TTLL5: variants seen among roughly 807,000 people sequenced by gnomAD.
The protein encoded by TTLL5 is tubulin polyglutamylase TTLL5.
In TTLL5, 132 loss-of-function variants were observed where a neutral mutation model predicts 168.4. The ratio of observed to expected loss-of-function variants is 0.78; its 90% CI spans 0.68 to 0.91. The LOEUF (loss-of-function observed/expected upper bound fraction) is 0.91. Ranked by LOEUF, TTLL5 falls within the 40% of genes least tolerant of loss-of-function variation. TTLL5 has a pLI of 0.00. For synonymous variants in TTLL5, 546 were observed against 558.6 expected (o/e 0.98, Z 0.32); for missense variants, 1,545 against 1,581.5 (o/e 0.98, Z 0.39).
intron 7 of TTLL5, among the ~76,000 whole-genome samples, chr14:75,703,932 A>G (rs2140165073): frequency 1.3e-5 from 2 of 152,342 alleles, no homozygotes; most frequent in South Asian, 2.1e-4. Context: ...TCTGAGTAGA[A>G]TGGCATGCAG....
At position 75,663,079 on chromosome 14, in the gene TTLL5, G is replaced by A. The variant is rs2140074301; in HGVS notation, c.-71G>A. On this transcript the variant is annotated 5_prime_UTR_variant, in exon 2 of 32. Coordinates refer to ENST00000298832, the MANE Select transcript of TTLL5 (RefSeq NM_015072.5). Reference sequence around the variant, plus strand: ...GGAATCTGTGCCATCCAAATTGCTTGATCCAGTGAATCTGCTAGGAAAGGT... The same window carrying A: ...GGAATCTGTGCCATCCAAATTGCTTAATCCAGTGAATCTGCTAGGAAAGGT... The A allele has an allele frequency of 2.2e-6, 3 of 1,388,190 alleles. No individual in the cohort carries two copies. In the East Asian group the frequency reaches 7.0e-5, roughly 32 times the overall value. The allele number at this position is 1,388,190 out of a possible 1,614,324, so 86.0% of individuals were successfully genotyped here.
chr14:75,805,285 G>T (rs1893583789), intron 27 of TTLL5, among the ~76,000 whole-genome samples: 1 of 152,042 alleles, frequency 6.6e-6, no homozygotes, highest in South Asian at 2.1e-4. Context: ...GCTTCCTCCT[G>T]CTCTCCCTGA....
chr14:75,769,425 T>C (rs1320056298), intron 20 of TTLL5, among the ~76,000 whole-genome samples: 4 of 152,348 alleles, frequency 2.6e-5, no homozygotes, highest in African/African-American at 9.6e-5. Context: ...TGGTTTTTAT[T>C]CTTTCATCTT....
At chr14:75,939,169 A>G (rs1386261206) in intron 31 of TTLL5, among the ~76,000 whole-genome samples, 1 of 152,208 alleles carries the variant, frequency 6.6e-6, no homozygotes. Flanking sequence ...CACAATCATC[A>G]TTCCCCTGCC....
intron 7 of TTLL5, among the ~76,000 whole-genome samples, chr14:75,705,000 C>T (rs1886552307): frequency 6.6e-6 from 1 of 152,176 alleles, no homozygotes; most frequent in African/African-American, 2.4e-5. Context: ...TTTATTGTAG[C>T]CTATAGGTTC....
At position 75,745,564 on chromosome 14, in the gene TTLL5, G is replaced by A. The variant is rs984010328; in HGVS notation, c.1470G>A (p.Glu490=). Residue 490 remains glutamate (E), a synonymous_variant, in exon 17 of 32, where the codon GAG becomes GAA. Coordinates refer to ENST00000298832, the MANE Select transcript of TTLL5 (RefSeq NM_015072.5). ...TTATTCGCATATTTCCTACATCTGAGACATGGGAAATATATGGGTGAGGTG... is the reference window on the plus strand; with the variant it reads ...TTATTCGCATATTTCCTACATCTGAAACATGGGAAATATATGGGTGAGGTG... ...GGFIRIFPTS[E]TWEIYGSYLE... 3.7e-6 allele frequency: 6 copies of A among 1,613,704 alleles called. No homozygotes were observed. Among genetic ancestry groups the A allele is most frequent in the African/African-American group, 1.3e-5 (1 of 74,828 alleles).
At chr14:75,909,692 A>G (rs147277122) in intron 31 of TTLL5, among the ~76,000 whole-genome samples, 66 of 152,356 alleles carry the variant, frequency 4.3e-4, no homozygotes, top group African/African-American at 1.5e-3. Flanking sequence ...AGGAAGAACC[A>G]TGAATTAGGT....
intron 27 of TTLL5, among the ~76,000 whole-genome samples, chr14:75,799,740 G>C (rs971307474): frequency 6.6e-6 from 1 of 152,152 alleles, no homozygotes; most frequent in African/African-American, 2.4e-5. Flanking sequence ...CGTTTCACTG[G>C]ATACAAGATT....
At chr14:75,748,033 C>G (rs1889717687) in intron 17 of TTLL5, among the ~76,000 whole-genome samples, 1 of 152,192 alleles carries the variant, frequency 6.6e-6, no homozygotes, top group Non-Finnish European at 1.5e-5. Flanking sequence ...TGCATTTCCT[C>G]TCTGTCTGTG....
chr14:75,752,301 G>A (rs934710452), intron 17 of TTLL5, among the ~76,000 whole-genome samples: 2 of 152,208 alleles, frequency 1.3e-5, no homozygotes, highest in Admixed American at 1.3e-4. Flanking sequence ...CCTCTGACAA[G>A]AGGATTCTAA....
chr14:75,830,764 G>A (rs1269656392), intron 28 of TTLL5, among the ~76,000 whole-genome samples: 1 of 152,132 alleles, frequency 6.6e-6, no homozygotes, highest in Non-Finnish European at 1.5e-5. Flanking sequence ...CAGTGCCTTG[G>A]TAAGCAGTAG....
chr14:75,671,082 G>C (rs747721991), intron 3 of TTLL5, among the ~76,000 whole-genome samples: 1 of 152,128 alleles, frequency 6.6e-6, no homozygotes, highest in East Asian at 1.9e-4. Flanking sequence ...AATTTTTCAT[G>C]TAGGGTTATG....
chr14:75,702,743 C>A (rs1886367642), intron 7 of TTLL5, among the ~76,000 whole-genome samples: 1 of 152,082 alleles, frequency 6.6e-6, no homozygotes, highest in African/African-American at 2.4e-5. Flanking sequence ...TCCTTTGAGA[C>A]CCCCTGCATA....
rs184709434 is a variant in TTLL5, at chr14:75,762,171, G to A, written c.1551-2444G>A. ...AGCACTTTGGGAGGCCGAGGCGGGTGGATCACGAGGTCAGGAGATTGAGAC... is the reference window on the plus strand; with the variant it reads ...AGCACTTTGGGAGGCCGAGGCGGGTAGATCACGAGGTCAGGAGATTGAGAC... On this transcript the variant is annotated intron_variant, in intron 18 of 31. Transcript: ENST00000298832. Among the ~76,000 whole-genome samples the A allele has an allele frequency of 3.3e-3, 501 of 152,192 alleles. 3 individuals are homozygous for A. Among genetic ancestry groups the A allele is most frequent in the African/African-American group, 0.011 (465 of 41,518 alleles).
At chr14:75,689,262 A>G (rs1170165105) in intron 5 of TTLL5, among the ~76,000 whole-genome samples, 1 of 152,172 alleles carries the variant, frequency 6.6e-6, no homozygotes, top group Non-Finnish European at 1.5e-5. Context: ...GAGCCTGATG[A>G]CTGCAGTGCT....
intron 28 of TTLL5, among the ~76,000 whole-genome samples, chr14:75,853,303 C>T (rs1896970008): frequency 6.6e-6 from 1 of 152,176 alleles, no homozygotes; most frequent in Admixed American, 6.5e-5. Context: ...TAAGCTAGCT[C>T]CCCTTGATTC....
intron 29 of TTLL5, among the ~76,000 whole-genome samples, chr14:75,869,337 C>A (rs1422196512): frequency 6.6e-6 from 1 of 152,134 alleles, no homozygotes; most frequent in Non-Finnish European, 1.5e-5. Flanking sequence ...AAATAGGCCA[C>A]TCTAGACAGG....
At chr14:75,669,884 C>T (rs1293934738) in intron 3 of TTLL5, among the ~76,000 whole-genome samples, 1 of 152,178 alleles carries the variant, frequency 6.6e-6, no homozygotes, top group Non-Finnish European at 1.5e-5. Context: ...CTCCAAAGTA[C>T]AGCCAATACC....
At chr14:75,791,230 C>G (rs1340316198) in intron 26 of TTLL5, among the ~76,000 whole-genome samples, 1 of 152,020 alleles carries the variant, frequency 6.6e-6, no homozygotes, top group East Asian at 1.9e-4. Context: ...CGTGTGCCAG[C>G]AGATGTATGC....
Sources: gnomAD v4.1 joint callset for allele counts (sites outside exome capture counted in the v4.1 genomes callset) on GRCh38, gnomAD v4.1.1 for gene constraint, MANE v1.5 for transcripts, NCBI Gene and HGNC (gene_info 2026-07-23, HGNC 2026-07-21) for gene names.